SYNE2: variants seen among roughly 807,000 people sequenced by gnomAD.
SYNE2 encodes the protein nesprin-2.
Under a neutral mutation model 856.3 loss-of-function variants are expected in SYNE2, and 431 were observed. That is an observed-to-expected ratio of 0.50 (90% CI 0.47 to 0.55). The LOEUF (loss-of-function observed/expected upper bound fraction) is 0.55, where lower values mean the gene tolerates loss of function less well. Ranked by LOEUF, SYNE2 falls within the 20% of genes least tolerant of loss-of-function variation. The pLI, the probability that SYNE2 is intolerant of heterozygous loss-of-function variation, is 0.00. For synonymous variants in SYNE2, 2,923 were observed against 2,872.3 expected (o/e 1.02, Z -0.56); for missense variants, 8,129 against 8,023.2 (o/e 1.01, Z -0.50).
At chr14:64,026,754 T>G in intron 42 of SYNE2, 24 bp downstream of exon 42, 1 of 1,592,486 alleles carries the variant, frequency 6.3e-7, no homozygotes, top group East Asian at 2.3e-5. Flanking sequence ...CTGCACCACT[T>G]GCATCATATC....
chr14:63,784,498 A>AAAACAAAC (rs137985555), intron 1 of SYNE2, among the ~76,000 whole-genome samples: 7 of 149,722 alleles, frequency 4.7e-5, no homozygotes, highest in Non-Finnish European at 1.0e-4. Context: ...CTCCATCTCA[A>AAAACAAAC]AAACAAACAA....
chr14:63,806,159 T>A (rs1473533533), intron 1 of SYNE2, among the ~76,000 whole-genome samples: 2 of 152,214 alleles, frequency 1.3e-5, no homozygotes, highest in Non-Finnish European at 2.9e-5. Context: ...GTTTCTCTAA[T>A]GCCAAGTTTG....
chr14:64,074,134 G>C lies in SYNE2; in HGVS notation c.10864G>C (p.Glu3622Gln), dbSNP rs374132878. Residue 3622 changes from glutamate to glutamine, a missense_variant and splice_region_variant, in exon 53 of 116, where the codon GAG becomes CAG. Physicochemically the swap from Glu to Gln is conservative, Grantham distance 29. Coordinates refer to ENST00000555002, the MANE Select transcript of SYNE2 (RefSeq NM_182914.3). Reference protein sequence around the residue: ...QDHPEKSEQFEELQSILKKGK... With the variant: ...QDHPEKSEQFQELQSILKKGK... Reference sequence around the variant, plus strand: ...TCACCCAGAAAAGTCAGAACAATTTGAGGTAAGTGAGGAATGAATTAGTGA... The same window carrying C: ...TCACCCAGAAAAGTCAGAACAATTTCAGGTAAGTGAGGAATGAATTAGTGA... 1.8e-5 allele frequency: 29 copies of C among 1,613,842 alleles called. No homozygotes were observed. In the African/African-American group the frequency reaches 3.9e-4, roughly 22 times the overall value.
intron 1 of SYNE2, among the ~76,000 whole-genome samples, chr14:63,806,915 A>G (rs901522042): frequency 1.3e-5 from 2 of 149,750 alleles, no homozygotes; most frequent in Non-Finnish European, 3.0e-5. Flanking sequence ...ACATATCGCT[A>G]TGTTGCCCAG....
intron 15 of SYNE2, 67 bp downstream of exon 15, chr14:63,980,799 C>T (rs1329335908): frequency 1.5e-5 from 19 of 1,249,040 alleles, no homozygotes; most frequent in Non-Finnish European, 2.1e-5. Flanking sequence ...ATCTGTTGTG[C>T]TTTCTATATA....
At chr14:64,214,027 T>A (rs917486654) in intron 105 of SYNE2, 167 bp from the exon 106 acceptor site, 1 of 997,894 alleles carries the variant, frequency 1.0e-6, no homozygotes, top group East Asian at 2.6e-5. Flanking sequence ...TTGTCTAAAC[T>A]GGAATAACCA....
Position 63,909,155 on chromosome 14 carries a change from T to TC in SYNE2, c.8dup (p.Ser4Ter). 6.2e-7 allele frequency: 1 copy of TC among 1,610,876 alleles called. No homozygotes were observed. Among genetic ancestry groups the TC allele is most frequent in the Non-Finnish European group, 8.5e-7 (1 of 1,177,222 alleles). ...ATCTCCATTGAGTCAAAGAATGGCA[T>TC]CTAGTCCTGAGCTTCCCACCGAAGA... On this transcript the variant is annotated frameshift_variant, in exon 2 of 116. Transcript: ENST00000555002. LOFTEE classifies it high-confidence loss of function.
chr14:64,194,430 C>T (rs181890729), intron 99 of SYNE2, among the ~76,000 whole-genome samples: 1 of 152,220 alleles, frequency 6.6e-6, no homozygotes, highest in African/African-American at 2.4e-5. Context: ...GTAGCTGGGA[C>T]TACAAGCACA....
At chr14:63,852,069 A>G (rs1890570958), upstream of SYNE2, among the ~76,000 whole-genome samples, 1 of 131,100 alleles carries the variant, frequency 7.6e-6, no homozygotes, top group African/African-American at 2.8e-5. Context: ...GGCTGCAGTG[A>G]GTTTAGATCG....
chr14:63,885,360 T>G (rs1040244766), intron 1 of SYNE2, among the ~76,000 whole-genome samples: 5 of 152,150 alleles, frequency 3.3e-5, no homozygotes, highest in Non-Finnish European at 7.3e-5. Flanking sequence ...GAGGCTCTAT[T>G]TGGTGTCCCT....
At chr14:64,184,064 T>C (rs536740112) in intron 96 of SYNE2, among the ~76,000 whole-genome samples, 79 of 152,316 alleles carry the variant, frequency 5.2e-4, no homozygotes, top group African/African-American at 1.9e-3. Context: ...TCGTCAGCTC[T>C]AGTAAACTTC....
At chr14:64,095,023 AT>A (rs766803579) in intron 61 of SYNE2, 5 of 170,190 alleles carry the variant, frequency 2.9e-5, no homozygotes, top group African/African-American at 9.6e-5. Context: ...AATCTCTTTA[AT>A]ATCTGGCTTA....
At chr14:63,968,738 G>T (rs2096431980) in intron 11 of SYNE2, among the ~76,000 whole-genome samples, 1 of 151,982 alleles carries the variant, frequency 6.6e-6, no homozygotes, top group African/African-American at 2.4e-5. Context: ...ATATATTTAT[G>T]GGGTACCTGA....
intron 9 of SYNE2, among the ~76,000 whole-genome samples, chr14:63,963,465 T>C (rs1419509823): frequency 2.0e-5 from 3 of 152,248 alleles, no homozygotes; most frequent in Non-Finnish European, 2.9e-5. Context: ...GTTCACATCT[T>C]AATGATAGCA....
At chr14:63,843,389 T>C (rs765898564) in intron 1 of SYNE2, among the ~76,000 whole-genome samples, 2 of 152,194 alleles carry the variant, frequency 1.3e-5, no homozygotes, top group Non-Finnish European at 2.9e-5. Context: ...AATTCCTTAA[T>C]GTTTAAGATG....
chr14:63,969,172 T>C (rs2096439566), intron 11 of SYNE2, among the ~76,000 whole-genome samples: 1 of 148,392 alleles, frequency 6.7e-6, no homozygotes. Flanking sequence ...TCTCATTCTT[T>C]TTTTTTTTTT....
chr14:64,037,338 C>A (rs145935554), intron 45 of SYNE2, among the ~76,000 whole-genome samples: 172 of 150,822 alleles, frequency 1.1e-3, no homozygotes, highest in African/African-American at 4.0e-3. Flanking sequence ...TGACTCTTAA[C>A]GAGCATGCTG....
At chr14:64,113,676 G>C in intron 66 of SYNE2, 105 bp downstream of exon 66, 1 of 1,224,274 alleles carries the variant, frequency 8.2e-7, no homozygotes, top group Non-Finnish European at 1.2e-6. Flanking sequence ...CTGTTACTCT[G>C]ACCCTTACAT....
rs180917175 is a variant in SYNE2, at chr14:63,801,635, T to C, written c.-305+39649T>C. On this transcript the variant is annotated intron_variant, in intron 1 of 23. Coordinates refer to the SYNE2 transcript ENST00000674003. ...CAGAGGTTGTGGTGAGATTGCGCCA[T>C]TGCACTCCAACCTGGGCAACAACAG... Among the ~76,000 whole-genome samples, 212 of 151,988 alleles carry C rather than the reference T, an allele frequency of 1.4e-3. 7 individuals are homozygous for C. The highest frequency in any genetic ancestry group is 0.014 in the Admixed American group (209 of 15,250).
Sources: gnomAD v4.1 joint callset for allele counts (sites outside exome capture counted in the v4.1 genomes callset) on GRCh38, gnomAD v4.1.1 for gene constraint, MANE v1.5 for transcripts, NCBI Gene and HGNC (gene_info 2026-07-23, HGNC 2026-07-21) for gene names.